Variants in FBXO36 observed in about 807,000 individuals in gnomAD.
FBXO36 encodes the protein F-box protein 36.
FBXO36 carries 18 observed loss-of-function variants against 17.0 expected under a neutral mutation model. That is an observed-to-expected ratio of 1.06 (90% CI 0.73 to 1.57). FBXO36 has a LOEUF of 1.57. Among genes scored for constraint, FBXO36 ranks in the 40% most tolerant of loss-of-function variants. FBXO36 has a pLI of 0.00. For missense variants in FBXO36, 229 were observed against 221.9 expected (o/e 1.03, Z -0.20); for synonymous variants, 83 against 85.3 (o/e 0.97, Z 0.15).
intron 1 of FBXO36, among the ~76,000 whole-genome samples, chr2:229,953,062 G>C (rs1190027053): frequency 6.6e-6 from 1 of 152,236 alleles, no homozygotes; most frequent in Non-Finnish European, 1.5e-5. Context: ...AAACGGCCGG[G>C]TGCGGTGGCT....
intron 3 of FBXO36, among the ~76,000 whole-genome samples, chr2:230,004,179 C>T (rs2077374560): frequency 6.6e-6 from 1 of 152,180 alleles, no homozygotes; most frequent in African/African-American, 2.4e-5. Context: ...TATTCTCCTC[C>T]TGACTCAACC....
intron 2 of FBXO36, among the ~76,000 whole-genome samples, chr2:229,982,721 C>T (rs1018567409): frequency 4.2e-5 from 6 of 143,404 alleles, no homozygotes; most frequent in Admixed American, 7.3e-5. Flanking sequence ...GGAGGAGAAT[C>T]GCTTGAAACT....
chr2:229,966,148 C>T (rs1323202721), intron 1 of FBXO36, among the ~76,000 whole-genome samples: 1 of 152,152 alleles, frequency 6.6e-6, no homozygotes, highest in Non-Finnish European at 1.5e-5. Context: ...AGCATTTTTT[C>T]CTGTGTCTGT....
rs562159964 is a variant in FBXO36, at chr2:229,975,876, C to T, written c.97-365C>T. 3.9e-5 allele frequency among the ~76,000 whole-genome samples: 6 copies of T among 151,980 alleles called. No homozygotes were observed. In the East Asian group the frequency reaches 7.7e-4, roughly 20 times the overall value. ...AGGCTGGAGTGCAGTGGCGCGATCT[C>T]GGCTCACTGCAACCTCCGTCTCTAG... On this transcript the variant is annotated intron_variant, in intron 1 of 3. Coordinates refer to ENST00000283946, the MANE Select transcript of FBXO36 (RefSeq NM_174899.5).
intron 1 of FBXO36, among the ~76,000 whole-genome samples, chr2:229,933,835 A>G (rs1214826216): frequency 2.6e-5 from 4 of 151,808 alleles, no homozygotes; most frequent in Non-Finnish European, 5.9e-5. Context: ...ACAGGCGCGC[A>G]CCACCATACC....
At chr2:229,973,205 AT>A (rs34447505) in intron 1 of FBXO36, 34,931 of 151,954 alleles carry the variant, frequency 0.23, 5,072 homozygotes, top group Middle Eastern at 0.37. Context: ...CCTCTCAACG[AT>A]TTTTTTAAAG....
chr2:229,962,432 G>A (rs896039657), intron 1 of FBXO36, among the ~76,000 whole-genome samples: 2 of 151,596 alleles, frequency 1.3e-5, no homozygotes, highest in African/African-American at 2.4e-5. Context: ...TTGGACTAAC[G>A]CAATCCTCCT....
At chr2:229,938,927 C>T (rs1405884445) in intron 1 of FBXO36, among the ~76,000 whole-genome samples, 9 of 149,680 alleles carry the variant, frequency 6.0e-5, no homozygotes, top group African/African-American at 2.2e-4. Flanking sequence ...GCCCCGCCAC[C>T]ATGCCCGGCT....
intron 2 of FBXO36, among the ~76,000 whole-genome samples, chr2:229,980,157 C>T (rs1011559609): frequency 5.5e-4 from 83 of 152,140 alleles, no homozygotes; most frequent in African/African-American, 1.7e-3. Context: ...AAGCAGTTCT[C>T]ATGCCACAGA....
chr2:229,954,494 C>T (rs1303602732), intron 1 of FBXO36, among the ~76,000 whole-genome samples: 4 of 149,544 alleles, frequency 2.7e-5, no homozygotes, highest in African/African-American at 4.9e-5. Context: ...CTGCCCGCTT[C>T]GGCCTCCCAA....
At chr2:229,946,834 G>C (rs533824911) in intron 1 of FBXO36, among the ~76,000 whole-genome samples, 13 of 152,264 alleles carry the variant, frequency 8.5e-5, no homozygotes, top group East Asian at 5.8e-4. Flanking sequence ...CATATTTGTT[G>C]CATTAATAAA....
Position 229,989,727 on chromosome 2 carries a change from A to AT in FBXO36, c.206-7005dup, listed in dbSNP as rs11313146. Among the ~76,000 whole-genome samples, 343 of 120,874 alleles carry AT rather than the reference A, an allele frequency of 2.8e-3. 4 individuals carry two copies. Among genetic ancestry groups the AT allele is most frequent in the African/African-American group, 4.2e-3 (138 of 32,536 alleles). 79.3% of individuals were successfully genotyped at this position (120,874 alleles called of 152,430 possible). On this transcript the variant is annotated intron_variant, in intron 2 of 3. Coordinates refer to ENST00000283946, the MANE Select transcript of FBXO36 (RefSeq NM_174899.5). ...AGGCACCCACCACCACGCCTGGCTA[A>AT]TTTTTTTTTTTTTTTTTTTGTATTT... is the stretch of plus-strand genomic sequence containing the variant.
intron 3 of FBXO36, among the ~76,000 whole-genome samples, chr2:230,010,244 A>G (rs755805093): frequency 7.9e-5 from 12 of 152,320 alleles, no homozygotes; most frequent in Admixed American, 3.3e-4. Flanking sequence ...CTGGGCAACA[A>G]GAGCAAAACT....
chr2:229,970,949 G>A (rs2077177020), intron 1 of FBXO36, among the ~76,000 whole-genome samples: 1 of 152,060 alleles, frequency 6.6e-6, no homozygotes, highest in African/African-American at 2.4e-5. Flanking sequence ...TTAATTTCCT[G>A]GCTCCCCTCA....
intron 2 of FBXO36, among the ~76,000 whole-genome samples, chr2:229,996,217 G>A (rs1360467120): frequency 6.6e-6 from 1 of 151,866 alleles, no homozygotes; most frequent in East Asian, 1.9e-4. Flanking sequence ...GGTCGAGGCT[G>A]CAGTGAGCCG....
chr2:229,967,845 T>G (rs911329375), intron 1 of FBXO36, among the ~76,000 whole-genome samples: 3 of 152,308 alleles, frequency 2.0e-5, no homozygotes, highest in Non-Finnish European at 2.9e-5. Context: ...TCTCTTTTTT[T>G]GTTGTGTCTC....
At chr2:229,978,820 C>T (rs1191326450) in intron 2 of FBXO36, among the ~76,000 whole-genome samples, 4 of 152,018 alleles carry the variant, frequency 2.6e-5, no homozygotes, top group South Asian at 2.1e-4. Flanking sequence ...AAATCAAGCA[C>T]GATAATCTCA....
At chr2:230,008,182 T>C (rs971910136) in intron 3 of FBXO36, among the ~76,000 whole-genome samples, 2 of 152,086 alleles carry the variant, frequency 1.3e-5, no homozygotes, top group African/African-American at 4.8e-5. Context: ...GAGAGCTGGG[T>C]TCTGTTCTGT....
At chr2:229,994,861 A>T (rs1430174086) in intron 2 of FBXO36, among the ~76,000 whole-genome samples, 1 of 152,150 alleles carries the variant, frequency 6.6e-6, no homozygotes, top group Non-Finnish European at 1.5e-5. Flanking sequence ...AATGCCTGTA[A>T]TCCCAGCACT....
Sources: allele counts gnomAD v4.1 joint callset (sites outside exome capture counted in the v4.1 genomes callset), GRCh38; gene constraint gnomAD v4.1.1; transcripts MANE v1.5; gene names NCBI Gene and HGNC (gene_info 2026-07-23, HGNC 2026-07-21).